UBXN4: variants seen among roughly 807,000 people sequenced by gnomAD.
The protein encoded by UBXN4 is UBX domain-containing protein 4.
Under a neutral mutation model 66.2 loss-of-function variants are expected in UBXN4, and 35 were observed. The observed-to-expected ratio is 0.53, with a 90% CI of 0.40 to 0.70. The LOEUF (loss-of-function observed/expected upper bound fraction) is 0.70. Ranked by LOEUF, UBXN4 falls within the 30% of genes least tolerant of loss-of-function variation. The pLI is 0.00. For synonymous variants in UBXN4, 203 were observed against 204.5 expected (o/e 0.99, Z 0.06); for missense variants, 533 against 599.8 (o/e 0.89, Z 1.16).
intron 1 of UBXN4, among the ~76,000 whole-genome samples, chr2:135,747,151 T>G (rs2077211949): frequency 6.6e-6 from 1 of 151,116 alleles, no homozygotes; most frequent in Non-Finnish European, 1.5e-5. Context: ...GATTAAATTG[T>G]CCTGGCCAAC....
At chr2:135,756,100 T>A (rs7607174) in intron 5 of UBXN4, among the ~76,000 whole-genome samples, 25,969 of 151,896 alleles carry the variant, frequency 0.17, 2,531 homozygotes, top group Middle Eastern at 0.38. Context: ...TTATATATAT[T>A]TTTTTTGATT....
intron 2 of UBXN4, among the ~76,000 whole-genome samples, chr2:135,753,221 G>A (rs958831328): frequency 4.0e-5 from 6 of 150,104 alleles, no homozygotes; most frequent in Non-Finnish European, 7.4e-5. Context: ...ACGGGGTTTC[G>A]CCATGTTGGC....
intron 1 of UBXN4, chr2:135,747,987 T>G: frequency 3.0e-6 from 1 of 335,296 alleles, no homozygotes; most frequent in Non-Finnish European, 5.6e-6. Flanking sequence ...GATGACTGCT[T>G]ATTATTGTGG....
intron 2 of UBXN4, among the ~76,000 whole-genome samples, chr2:135,751,807 TAATG>T (rs1460039424): frequency 6.6e-6 from 1 of 151,998 alleles, no homozygotes; most frequent in African/African-American, 2.4e-5. Context: ...TTTATGATAA[TAATG>T]CTTTATATTT....
At chr2:135,766,288 G>A (rs971792403) in intron 6 of UBXN4, among the ~76,000 whole-genome samples, 13 of 152,120 alleles carry the variant, frequency 8.5e-5, no homozygotes, top group African/African-American at 3.1e-4. Flanking sequence ...AAATTCTACA[G>A]ATGGTCTATA....
rs987923803 is a variant in UBXN4 at position 135,782,923 on chromosome 2, C to A, written c.*36C>A. Reference sequence around the variant, plus strand: ...ATAATATGTGCAATAATCATTGTTTCTCTTATGATTTAATTCAACTAAAAT... The same window carrying A: ...ATAATATGTGCAATAATCATTGTTTATCTTATGATTTAATTCAACTAAAAT... On this transcript the variant is annotated 3_prime_UTR_variant, in exon 13 of 13. Coordinates refer to ENST00000272638, the MANE Select transcript of UBXN4 (RefSeq NM_014607.4). 1 of 1,570,798 alleles carries A rather than the reference C, an allele frequency of 6.4e-7. No individual in the cohort carries two copies. The highest frequency in any genetic ancestry group is 1.4e-5 in the African/African-American group (1 of 73,192).
chr2:135,780,933 A>G (rs773884683), intron 12 of UBXN4, among the ~76,000 whole-genome samples: 6 of 152,244 alleles, frequency 3.9e-5, no homozygotes, highest in Non-Finnish European at 7.3e-5. Flanking sequence ...TCCCTTAACC[A>G]AGAGACCAGG....
Position 135,783,550 on chromosome 2 carries a change from A to T in UBXN4, c.*663A>T, listed in dbSNP as rs576745232. 1.2e-4 allele frequency: 18 copies of T among 151,964 alleles called. No homozygotes were observed. The highest frequency in any genetic ancestry group is 2.4e-4 in the Non-Finnish European group (16 of 67,990). 9.4% of individuals were successfully genotyped at this position (151,964 alleles called of 1,614,324 possible). A position where few individuals can be genotyped will look rare whatever the true frequency, so the allele number is the denominator to read the frequency against. On this transcript the variant is annotated 3_prime_UTR_variant, in exon 13 of 13. Coordinates refer to ENST00000272638, the MANE Select transcript of UBXN4 (RefSeq NM_014607.4). Reference sequence around the variant, plus strand: ...TCTCTGGAAAGTAGCTGGCGAGGTTACCTTAACTATCACTGAAGAAAGAAA... The same window carrying T: ...TCTCTGGAAAGTAGCTGGCGAGGTTTCCTTAACTATCACTGAAGAAAGAAA...
At chr2:135,756,096 A>G (rs1021145206) in intron 5 of UBXN4, among the ~76,000 whole-genome samples, 4 of 152,290 alleles carry the variant, frequency 2.6e-5, no homozygotes, top group Admixed American at 6.5e-5. Flanking sequence ...AGTGTTATAT[A>G]TATTTTTTTT....
intron 6 of UBXN4, among the ~76,000 whole-genome samples, chr2:135,768,449 G>A (rs915092288): frequency 7.2e-5 from 11 of 151,890 alleles, no homozygotes; most frequent in South Asian, 4.2e-4. Flanking sequence ...TGCCCACCTC[G>A]GCCTCCCAAA....
At chr2:135,759,575 A>G (rs933609064) in intron 5 of UBXN4, among the ~76,000 whole-genome samples, 3 of 152,112 alleles carry the variant, frequency 2.0e-5, no homozygotes, top group Non-Finnish European at 4.4e-5. Context: ...AGACTTGATC[A>G]AGTCAGCTTC....
chr2:135,757,126 A>G (rs1237116581), intron 5 of UBXN4, among the ~76,000 whole-genome samples: 20 of 152,208 alleles, frequency 1.3e-4, no homozygotes, highest in Non-Finnish European at 1.5e-5. Context: ...TGGTCCATAT[A>G]TCTTGCTGGA....
At chr2:135,767,998 C>T (rs2077358129) in intron 6 of UBXN4, among the ~76,000 whole-genome samples, 1 of 152,086 alleles carries the variant, frequency 6.6e-6, no homozygotes, top group African/African-American at 2.4e-5. Flanking sequence ...TGACAGTACT[C>T]ACTCCCTTGA....
intron 1 of UBXN4, among the ~76,000 whole-genome samples, chr2:135,743,444 T>C (rs973503802): frequency 6.6e-6 from 1 of 152,242 alleles, no homozygotes; most frequent in African/African-American, 2.4e-5. Context: ...TCTCCTAATA[T>C]CTCAGTTGAT....
rs1372027996 is a variant in UBXN4 at position 135,769,652 on chromosome 2, TTTTG to T, written c.603-105_603-102del. The stretch of plus-strand genomic sequence containing the variant: ...CCAGGCAGATAAATAGTTGCTTGCT[TTTTG>T]TTTGTTTGTTTCTTTATTTCTCCAA... On this transcript the variant is annotated intron_variant, in intron 6 of 12. Transcript: ENST00000272638. 1.0e-5 allele frequency: 8 copies of T among 774,440 alleles called. No homozygotes were observed. In the African/African-American group the frequency reaches 1.3e-4, roughly 12 times the overall value. The allele number at this position is 774,440 out of a possible 1,614,324, so 48.0% of individuals were successfully genotyped here. A position where few individuals can be genotyped will look rare whatever the true frequency, so the allele number is the denominator to read the frequency against.
chr2:135,759,143 C>T (rs1479270177), intron 5 of UBXN4, among the ~76,000 whole-genome samples: 1 of 152,146 alleles, frequency 6.6e-6, no homozygotes, highest in Non-Finnish European at 1.5e-5. Context: ...CATCATCCTG[C>T]GTCAGTGATT....
intron 1 of UBXN4, among the ~76,000 whole-genome samples, chr2:135,744,694 CTCTT>C (rs562163137): frequency 8.2e-4 from 125 of 152,232 alleles, no homozygotes; most frequent in Middle Eastern, 3.4e-3. Flanking sequence ...TCGTGTTGCT[CTCTT>C]TAAGTGCCTT....
At chr2:135,745,875 C>CTTTTTTTTTCTTTTTTTT (rs2077204456) in intron 1 of UBXN4, among the ~76,000 whole-genome samples, 1 of 74,396 alleles carries the variant, frequency 1.3e-5, no homozygotes, top group South Asian at 6.0e-4. Flanking sequence ...GTCCCGTTTA[C>CTTTTTTTTTCTTTTTTTT]TTTTTTTTTT....
intron 5 of UBXN4, among the ~76,000 whole-genome samples, chr2:135,760,432 A>G (rs1313054628): frequency 6.6e-6 from 1 of 150,580 alleles, no homozygotes; most frequent in Non-Finnish European, 1.5e-5. Context: ...CCATGTCTCA[A>G]AAAAAAAAAG....
Sources: gnomAD v4.1 joint callset for allele counts (sites outside exome capture counted in the v4.1 genomes callset) on GRCh38, gnomAD v4.1.1 for gene constraint, MANE v1.5 for transcripts, NCBI Gene and HGNC (gene_info 2026-07-23, HGNC 2026-07-21) for gene names.